FRMPD4: variants seen among roughly 807,000 people sequenced by gnomAD.
FRMPD4 encodes FERM and PDZ domain containing 4, also known as FERM and PDZ domain-containing protein 4.
A neutral mutation model predicts 94.1 loss-of-function variants in FRMPD4; 22 were observed. The ratio of observed to expected loss-of-function variants is 0.23; its 90% CI spans 0.17 to 0.33. The LOEUF is 0.33. FRMPD4 is among the 10% of genes least tolerant of loss of function. The pLI is 1.00. For missense variants in FRMPD4, 1,111 were observed against 1,339.9 expected, an observed-to-expected ratio of 0.83 and a Z score of 2.67; for synonymous variants, 631 against 548.6, an observed-to-expected ratio of 1.15 and a Z score of -2.10.
At chrX:12,571,985 T>C (rs1190255808) in intron 2 of FRMPD4, among the ~76,000 whole-genome samples, 2 of 112,454 alleles carry the variant, frequency 1.8e-5, no homozygotes, top group African/African-American at 6.5e-5. Flanking sequence ...ATAAGATTAA[T>C]TGGGTTTTCA....
intron 3 of FRMPD4, among the ~76,000 whole-genome samples, chrX:12,054,267 A>G (rs1569150073): frequency 9.0e-6 from 1 of 110,856 alleles, no homozygotes; most frequent in Non-Finnish European, 1.9e-5. Flanking sequence ...CAGCCAATCA[A>G]TTCCAATTAT....
chrX:12,103,778 C>T (rs973647841), intron 3 of FRMPD4, among the ~76,000 whole-genome samples: 3 of 111,465 alleles, frequency 2.7e-5, no homozygotes, highest in African/African-American at 9.8e-5. Context: ...TATTCTACCA[C>T]CAGAGATAAT....
chrX:12,503,166 A>G (rs1366520352), intron 2 of FRMPD4, among the ~76,000 whole-genome samples: 1 of 111,905 alleles, frequency 8.9e-6, no homozygotes, highest in African/African-American at 3.2e-5. Flanking sequence ...AGCTGGCAAA[A>G]TAGATTATTA....
intron 1 of FRMPD4, among the ~76,000 whole-genome samples, chrX:12,460,696 T>C (rs774765878): frequency 8.9e-6 from 1 of 111,959 alleles, no homozygotes; most frequent in Non-Finnish European, 1.9e-5. Context: ...ATCGATTTTG[T>C]ATACAAATAA....
At chrX:12,549,743 TA>T (rs985981163) in intron 2 of FRMPD4, among the ~76,000 whole-genome samples, 6 of 112,266 alleles carry the variant, frequency 5.3e-5, no homozygotes, top group Admixed American at 9.5e-5. Flanking sequence ...GACACTAGTC[TA>T]ACAAAAGCTC....
chrX:12,116,649 TG>T (rs1444063028), intron 3 of FRMPD4, among the ~76,000 whole-genome samples: 1 of 111,806 alleles, frequency 8.9e-6, no homozygotes, highest in Non-Finnish European at 1.9e-5. Flanking sequence ...TATAGGGTGA[TG>T]GAGCGTAATT....
At chrX:11,852,156 G>A (rs2053626823) in intron 1 of FRMPD4, among the ~76,000 whole-genome samples, 1 of 111,025 alleles carries the variant, frequency 9.0e-6, no homozygotes, top group Admixed American at 9.6e-5. Context: ...ATGGAAGGTG[G>A]CTTTGGTGGG....
chrX:12,234,721 G>A (rs1394625886), intron 1 of FRMPD4, among the ~76,000 whole-genome samples: 2 of 111,880 alleles, frequency 1.8e-5, no homozygotes, highest in Middle Eastern at 4.2e-3. Flanking sequence ...ACACTTTTAG[G>A]AGCAGTGGGA....
At chrX:12,307,942 G>A (rs751204201) in intron 1 of FRMPD4, among the ~76,000 whole-genome samples, 4 of 111,507 alleles carry the variant, frequency 3.6e-5, no homozygotes, top group Non-Finnish European at 5.6e-5. Context: ...CAGGTAAAGT[G>A]TAGAGATGTG....
chrX:11,864,689 C>T (rs1426873258), intron 1 of FRMPD4, among the ~76,000 whole-genome samples: 1 of 111,332 alleles, frequency 9.0e-6, no homozygotes, highest in Non-Finnish European at 1.9e-5. Flanking sequence ...TCTGCTTTCC[C>T]ACTAAGAACA....
chrX:12,525,804 T>G (rs182751672), intron 2 of FRMPD4, among the ~76,000 whole-genome samples: 4 of 112,267 alleles, frequency 3.6e-5, no homozygotes, highest in African/African-American at 9.7e-5. Flanking sequence ...TTATCTGTCT[T>G]TCTGATTATA....
intron 1 of FRMPD4, among the ~76,000 whole-genome samples, chrX:12,455,485 GCCTGT>G (rs2057324219): frequency 8.9e-6 from 1 of 111,881 alleles, no homozygotes; most frequent in Admixed American, 9.5e-5. Context: ...CATCTGTGTT[GCCTGT>G]CTAAAATAAA....
intron 3 of FRMPD4, among the ~76,000 whole-genome samples, chrX:11,999,173 TG>T (rs766368461): frequency 7.3e-4 from 82 of 111,590 alleles, no homozygotes; most frequent in Non-Finnish European, 1.4e-3. Flanking sequence ...TGGTTTCCTG[TG>T]GAACTGCCTC....
At chrX:12,204,393 C>T (rs1453014412) in intron 1 of FRMPD4, among the ~76,000 whole-genome samples, 1 of 111,964 alleles carries the variant, frequency 8.9e-6, no homozygotes, top group Non-Finnish European at 1.9e-5. Context: ...CCCTCAGGTA[C>T]CCTTGGATAC....
At chrX:12,646,933 G>A (rs1328784297) in intron 4 of FRMPD4, among the ~76,000 whole-genome samples, 1 of 111,916 alleles carries the variant, frequency 8.9e-6, no homozygotes, top group Admixed American at 9.4e-5. Context: ...CATCTAAATT[G>A]GGAGGTAGTG....
intron 3 of FRMPD4, among the ~76,000 whole-genome samples, chrX:11,967,756 G>GTTT (rs11431796): frequency 4.7e-4 from 31 of 65,518 alleles, no homozygotes; most frequent in Middle Eastern, 8.5e-3. Context: ...GTGTGTGTGT[G>GTTT]TTTTTTTTTT....
intron 1 of FRMPD4, among the ~76,000 whole-genome samples, chrX:11,859,727 TTTTG>T (rs745642900): frequency 1.7e-4 from 19 of 112,034 alleles, no homozygotes; most frequent in East Asian, 5.5e-4. Flanking sequence ...TGCTTCTGTT[TTTTG>T]TTTGTTTGTT....
intron 3 of FRMPD4, among the ~76,000 whole-genome samples, chrX:12,060,218 C>A (rs1026708667): frequency 1.8e-5 from 2 of 110,017 alleles, no homozygotes; most frequent in Non-Finnish European, 3.8e-5. Flanking sequence ...TATATTCTCA[C>A]CAACAGTGTA....
chrX:12,580,341 T>C (rs182668515), intron 2 of FRMPD4, among the ~76,000 whole-genome samples: 1 of 111,940 alleles, frequency 8.9e-6, no homozygotes, highest in Non-Finnish European at 1.9e-5. Context: ...AAAGAAGATG[T>C]ACCCTTCATT....
Sources: gnomAD v4.1 joint callset for allele counts (sites outside exome capture counted in the v4.1 genomes callset) on GRCh38, gnomAD v4.1.1 for gene constraint, MANE v1.5 for transcripts, NCBI Gene and HGNC (gene_info 2026-07-23, HGNC 2026-07-21) for gene names.